EGF: variants seen among roughly 807,000 people sequenced by gnomAD.
EGF encodes the protein pro-epidermal growth factor.
Under a neutral mutation model 143.8 loss-of-function variants are expected in EGF, and 95 were observed. The ratio of observed to expected loss-of-function variants is 0.66; its 90% CI spans 0.56 to 0.78. The LOEUF is 0.78. EGF is among the 30% of genes least tolerant of loss of function. The pLI is 0.00. For missense variants in EGF, 1,320 were observed against 1,470.9 expected, an observed-to-expected ratio of 0.90 and a Z score of 1.68; for synonymous variants, 510 against 510.5, an observed-to-expected ratio of 1.00 and a Z score of 0.01.
At chr4:109,945,549 C>T (rs1217089527) in intron 5 of EGF, among the ~76,000 whole-genome samples, 1 of 151,468 alleles carries the variant, frequency 6.6e-6, no homozygotes, top group Non-Finnish European at 1.5e-5. Flanking sequence ...CCAGCCTGGA[C>T]AACATAACAA....
chr4:109,913,614 C>A, intron 1 of EGF, 152 bp downstream of exon 1: 2 of 1,110,476 alleles, frequency 1.8e-6, no homozygotes, highest in Non-Finnish European at 2.6e-6. Flanking sequence ...TGTTTATTTT[C>A]TTACTGGCCA....
chr4:109,998,437 A>G (rs1377933986), intron 20 of EGF, among the ~76,000 whole-genome samples: 1 of 152,254 alleles, frequency 6.6e-6, no homozygotes, highest in Non-Finnish European at 1.5e-5. Flanking sequence ...TTGAAATCAG[A>G]GAACCATTGG....
rs758189794 is a variant in EGF, at chr4:109,913,406, A to T, written c.71A>T (p.Gln24Leu). The T allele has an allele frequency of 1.2e-6, 2 of 1,613,998 alleles. No homozygotes were observed. The highest frequency in any genetic ancestry group is 4.5e-5 in the East Asian group (2 of 44,874). The change falls in exon 1 of 24, where the codon CAG (glutamine) becomes CTG (leucine). Residue 24 changes from glutamine to leucine, a missense_variant. Transcript: ENST00000265171. Reference sequence around the variant, plus strand: ...AGTTTTGTTAGTCTCTCAGCACCGCAGCACTGGAGCTGTCCTGAAGGTACT... The same window carrying T: ...AGTTTTGTTAGTCTCTCAGCACCGCTGCACTGGAGCTGTCCTGAAGGTACT... ...KFSFVSLSAP[Q>L]HWSCPEGTLA...
chr4:109,999,805 C>T lies in EGF; in HGVS notation c.3132C>T (p.Val1044=), dbSNP rs1401827711. ...IVVAVCVVVL[V]MLLLLSLWGA... is the part of the protein sequence containing the mutation. ...TGGCTGTCTGCGTGGTGGTGCTTGTCATGCTGCTCCTCCTGAGCCTGTGGG... is the reference window on the plus strand; with the variant it reads ...TGGCTGTCTGCGTGGTGGTGCTTGTTATGCTGCTCCTCCTGAGCCTGTGGG... The change falls in exon 21 of 24, where the codon GTC becomes GTT. Residue 1044 remains valine (V), a synonymous_variant. Coordinates refer to ENST00000265171, the MANE Select transcript of EGF (RefSeq NM_001963.6). 1.9e-6 allele frequency: 3 copies of T among 1,613,758 alleles called. No homozygotes were observed. Among genetic ancestry groups the T allele is most frequent in the Non-Finnish European group, 1.7e-6 (2 of 1,180,036 alleles).
intron 8 of EGF, among the ~76,000 whole-genome samples, chr4:109,962,376 G>A (rs1745844774): frequency 6.6e-6 from 1 of 152,152 alleles, no homozygotes; most frequent in Non-Finnish European, 1.5e-5. Flanking sequence ...TCTGTTTCTT[G>A]CACCTAATAA....
chr4:109,929,219 G>A (rs981340431), intron 1 of EGF, among the ~76,000 whole-genome samples: 1 of 152,126 alleles, frequency 6.6e-6, no homozygotes, highest in African/African-American at 2.4e-5. Flanking sequence ...AAAAGCTAGG[G>A]TCTGTGTTGA....
intron 1 of EGF, among the ~76,000 whole-genome samples, chr4:109,932,425 C>T (rs1161984869): frequency 8.0e-6 from 1 of 125,770 alleles, no homozygotes; most frequent in Non-Finnish European, 1.6e-5. Flanking sequence ...GTTGCCCAGG[C>T]TGGAGTGTAG....
Position 110,004,522 on chromosome 4 carries a change from C to G in EGF, c.3191C>G (p.Ser1064Trp). 6.2e-7 allele frequency: 1 copy of G among 1,613,946 alleles called. No individual in the cohort carries two copies. ...TATCACAGGACTCAGAAGCTGCTAT[C>G]GAAAAACCCAAAGAATCCTTATGAG... is the stretch of plus-strand genomic sequence containing the variant. ...AHYYRTQKLL[S>W]KNPKNPYEES... The change falls in exon 22 of 24, where the codon TCG (serine) becomes TGG (tryptophan). Residue 1064 changes from serine to tryptophan, a missense_variant. By Grantham distance (177) the Ser-to-Trp change is radical. Coordinates refer to ENST00000265171, the MANE Select transcript of EGF (RefSeq NM_001963.6).
At chr4:109,943,226 A>G in intron 2 of EGF, 28 bp from the exon 3 acceptor site, 1 of 1,489,946 alleles carries the variant, frequency 6.7e-7, no homozygotes, top group African/African-American at 1.4e-5. Flanking sequence ...GGAAGTATTA[A>G]TAACAATTTT....
At chr4:109,981,414 C>T (rs41412848) in intron 15 of EGF, among the ~76,000 whole-genome samples, 114 of 152,220 alleles carry the variant, frequency 7.5e-4, no homozygotes, top group African/African-American at 2.7e-3. Flanking sequence ...GGATATCAGA[C>T]AAATGTGGGA....
At chr4:109,932,216 A>G (rs1409648852) in intron 1 of EGF, among the ~76,000 whole-genome samples, 1 of 151,360 alleles carries the variant, frequency 6.6e-6, no homozygotes, top group African/African-American at 2.4e-5. Context: ...TTATTTCTTC[A>G]TTAGTTTATT....
At chr4:109,976,804 G>A (rs1233393793) in intron 13 of EGF, among the ~76,000 whole-genome samples, 3 of 152,226 alleles carry the variant, frequency 2.0e-5, no homozygotes, top group African/African-American at 7.2e-5. Context: ...ACTGGGCCAT[G>A]TGGTAAATAG....
At chr4:109,999,075 T>G (rs11569092) in intron 20 of EGF, among the ~76,000 whole-genome samples, 4 of 152,232 alleles carry the variant, frequency 2.6e-5, no homozygotes, top group South Asian at 4.1e-4. Context: ...TTCCTCCATA[T>G]AGCTTTTTCT....
At chr4:109,993,485 G>T (rs1303237331) in intron 19 of EGF, 116 bp downstream of exon 19, 2 of 1,470,656 alleles carry the variant, frequency 1.4e-6, no homozygotes, top group Non-Finnish European at 1.9e-6. Context: ...GCAGGCTGCA[G>T]AGCTGGCTTT....
rs1398410000 is a variant in EGF at position 109,913,268 on chromosome 4, AC to A, written c.-66del. On this transcript the variant is annotated 5_prime_UTR_variant, in exon 1 of 24. Coordinates refer to ENST00000265171, the MANE Select transcript of EGF (RefSeq NM_001963.6). Reference sequence around the variant, plus strand: ...GCCGCATCTGGGGTCAATCATACTCACCTTGCCCGGGCCATGCTCCAGCAAA... The same window carrying A: ...GCCGCATCTGGGGTCAATCATACTCACTTGCCCGGGCCATGCTCCAGCAAA... 3 of 1,603,880 alleles carry A rather than the reference AC, an allele frequency of 1.9e-6. No individual in the cohort carries two copies. Among genetic ancestry groups the A allele is most frequent in the Admixed American group, 1.7e-5 (1 of 59,750 alleles).
intron 16 of EGF, 31 bp downstream of exon 16, chr4:109,983,572 T>A (rs1749704341): frequency 6.2e-7 from 1 of 1,612,926 alleles, no homozygotes. Flanking sequence ...AATATACCTT[T>A]GGTTCCAACA....
chr4:109,935,108 G>A (rs966782861), intron 1 of EGF, among the ~76,000 whole-genome samples: 17 of 152,118 alleles, frequency 1.1e-4, no homozygotes, highest in African/African-American at 3.9e-4. Context: ...GAAAGTCAGG[G>A]GTAGCTTGAT....
chr4:109,979,016 C>T (rs1748917462), intron 13 of EGF, among the ~76,000 whole-genome samples: 1 of 152,200 alleles, frequency 6.6e-6, no homozygotes, highest in South Asian at 2.1e-4. Context: ...GCCTCCTTAG[C>T]TTTAGTCTCT....
chr4:109,982,072 C>A (rs1749453381), intron 15 of EGF, among the ~76,000 whole-genome samples: 1 of 151,208 alleles, frequency 6.6e-6, no homozygotes, highest in South Asian at 2.1e-4. Context: ...GTAGCTGGGA[C>A]CACAGGCATG....
Sources: allele counts gnomAD v4.1 joint callset (sites outside exome capture counted in the v4.1 genomes callset), GRCh38; gene constraint gnomAD v4.1.1; transcripts MANE v1.5; gene names NCBI Gene and HGNC (gene_info 2026-07-23, HGNC 2026-07-21).